Variants in SETX observed in about 807,000 individuals in gnomAD.
The protein encoded by SETX is helicase senataxin.
In SETX, 90 loss-of-function variants were observed where a neutral mutation model predicts 227.2. The ratio of observed to expected loss-of-function variants is 0.40; its 90% CI spans 0.33 to 0.47. The LOEUF (loss-of-function observed/expected upper bound fraction) is 0.47, where lower values mean the gene tolerates loss of function less well. Ranked by LOEUF, SETX falls within the 20% of genes least tolerant of loss-of-function variation. The probability of loss-of-function intolerance (pLI) is 0.91; values close to 1 mark genes in which losing one functional copy is unlikely to be tolerated. For missense variants in SETX, 3,052 were observed against 3,181.5 expected, an observed-to-expected ratio of 0.96 and a Z score of 0.98; for synonymous variants, 1,210 against 1,113.2, an observed-to-expected ratio of 1.09 and a Z score of -1.73.
intron 10 of SETX, among the ~76,000 whole-genome samples, chr9:132,316,154 A>C (rs1845955532): frequency 6.6e-6 from 1 of 152,192 alleles, no homozygotes; most frequent in South Asian, 2.1e-4. Flanking sequence ...GAGGCTACGC[A>C]GGAATAAGAC....
intron 18 of SETX, among the ~76,000 whole-genome samples, chr9:132,286,181 CAAAAAAA>C (rs58043008): frequency 1.3e-5 from 1 of 74,544 alleles, no homozygotes; most frequent in Non-Finnish European, 2.8e-5. Context: ...GACTTCACCT[CAAAAAAA>C]AAAAAAAAAA....
intron 4 of SETX, among the ~76,000 whole-genome samples, chr9:132,345,702 T>G (rs963251014): frequency 3.9e-5 from 6 of 152,248 alleles, no homozygotes; most frequent in Non-Finnish European, 7.3e-5. Flanking sequence ...TTTACTTTTC[T>G]ATGTTAAAAA....
rs1254864894 is a variant in SETX, at chr9:132,331,954, C to T, written c.839-506G>A. 3.9e-5 allele frequency among the ~76,000 whole-genome samples: 6 copies of T among 152,170 alleles called. No individual in the cohort carries two copies. The East Asian group carries it at 9.6e-4, about 24-fold the overall frequency. On this transcript the variant is annotated intron_variant, in intron 7 of 25. Coordinates refer to ENST00000224140, the MANE Select transcript of SETX (RefSeq NM_015046.7). The stretch of plus-strand genomic sequence containing the variant: ...CAGCATCATCCTGAATTTTGTGTCA[C>T]GCATCTAGTGTAAATGACTAAATTC...
intron 18 of SETX, among the ~76,000 whole-genome samples, chr9:132,283,989 A>G (rs781425536): frequency 4.3e-4 from 65 of 152,186 alleles, no homozygotes; most frequent in Non-Finnish European, 8.8e-4. Context: ...TCACAGTCAC[A>G]CCTACACTGC....
chr9:132,332,871 T>C (rs369695256), intron 7 of SETX, among the ~76,000 whole-genome samples: 1 of 144,468 alleles, frequency 6.9e-6, no homozygotes, highest in Non-Finnish European at 1.5e-5. Context: ...CAGTGAGACC[T>C]GATTGAGCCA....
chr9:132,265,901 C>T (rs1029152067), intron 25 of SETX, among the ~76,000 whole-genome samples: 2 of 152,178 alleles, frequency 1.3e-5, no homozygotes, highest in Non-Finnish European at 2.9e-5. Flanking sequence ...GCCTCCCAAA[C>T]CCCGAATGGC....
At chr9:132,346,595 G>A (rs562969518) in intron 3 of SETX, 124 bp from the exon 4 acceptor site, 5 of 712,802 alleles carry the variant, frequency 7.0e-6, no homozygotes, top group Non-Finnish European at 1.2e-5. Flanking sequence ...ATTAGAGCTT[G>A]TATTTTAGAT....
intron 17 of SETX, among the ~76,000 whole-genome samples, chr9:132,287,137 G>A (rs1232770440): frequency 6.6e-6 from 1 of 152,160 alleles, no homozygotes; most frequent in Non-Finnish European, 1.5e-5. Flanking sequence ...ACATGCAACT[G>A]AAAGGCAACT....
At chr9:132,289,012 G>A (rs1349508162) in intron 15 of SETX, among the ~76,000 whole-genome samples, 4 of 152,092 alleles carry the variant, frequency 2.6e-5, no homozygotes, top group African/African-American at 7.2e-5. Context: ...TAAAATAAAC[G>A]AAGCAGTTCT....
Position 132,334,704 on chromosome 9 carries a change from G to A in SETX, c.742C>T (p.Leu248Phe), listed in dbSNP as rs748358261. The change falls in exon 7 of 26, where the codon CTT (leucine) becomes TTT (phenylalanine). Residue 248 changes from leucine (L) to phenylalanine (F), a missense_variant. Leu to Phe is a conservative substitution (Grantham distance 22). Coordinates refer to ENST00000224140, the MANE Select transcript of SETX (RefSeq NM_015046.7). ...AGGGAATCCATGGCTTGTTCCTCAA[G>A]AATGGTCAGCAACATGCAAATACCT... The part of the protein sequence containing the change: ...WLGICMLLTI[L>F]EEQAMDSLLL... 3 of 1,614,060 alleles carry A rather than the reference G, an allele frequency of 1.9e-6. No homozygotes were observed. The highest frequency in any genetic ancestry group is 1.3e-5 in the African/African-American group (1 of 75,054).
intron 10 of SETX, among the ~76,000 whole-genome samples, chr9:132,318,483 G>A (rs545248236): frequency 1.2e-3 from 176 of 152,258 alleles, no homozygotes; most frequent in African/African-American, 4.1e-3. Flanking sequence ...CTACAGCCTA[G>A]CATCACCTAG....
intron 4 of SETX, among the ~76,000 whole-genome samples, chr9:132,345,572 C>A (rs1282808959): frequency 1.3e-5 from 2 of 151,826 alleles, no homozygotes; most frequent in African/African-American, 4.8e-5. Context: ...CCATGCCCGG[C>A]GAGAATGAAA....
intron 11 of SETX, 63 bp downstream of exon 11, chr9:132,311,694 C>T (rs990772027): frequency 2.5e-6 from 3 of 1,195,510 alleles, no homozygotes; most frequent in African/African-American, 1.5e-5. Flanking sequence ...ATGCTATCTC[C>T]TCTTAATTAG....
intron 6 of SETX, among the ~76,000 whole-genome samples, chr9:132,335,339 C>G (rs1010772918): frequency 3.0e-5 from 4 of 133,440 alleles, no homozygotes; most frequent in Non-Finnish European, 6.2e-5. Context: ...TGCAGTGAGC[C>G]GAGATCGCGC....
intron 4 of SETX, among the ~76,000 whole-genome samples, chr9:132,343,145 C>G (rs1848089421): frequency 6.6e-6 from 1 of 151,980 alleles, no homozygotes; most frequent in African/African-American, 2.4e-5. Context: ...CGGTGAAACC[C>G]CGTCTCTACT....
At position 132,298,284 on chromosome 9, in the gene SETX, A is replaced by C; in HGVS notation, c.5577T>G (p.Leu1859=). 1 of 1,614,158 alleles carries C rather than the reference A, an allele frequency of 6.2e-7. No homozygotes were observed. The highest frequency in any genetic ancestry group is 1.1e-5 in the South Asian group (1 of 91,082). ...VMRNGKTECY[L]SIQTQENFPA... is the part of the protein sequence containing the mutation. Reference sequence around the variant, plus strand: ...GAAAGTTCTCTTGAGTCTGGATGGAAAGGTAACACTCAGTTTTCCCATTAC... The same window carrying C: ...GAAAGTTCTCTTGAGTCTGGATGGACAGGTAACACTCAGTTTTCCCATTAC... Residue 1859 remains leucine (L), a synonymous_variant, in exon 13 of 26, where the codon CTT becomes CTG. Transcript: ENST00000224140.
chr9:132,304,492 A>G (rs576439891), intron 11 of SETX, among the ~76,000 whole-genome samples: 29 of 151,890 alleles, frequency 1.9e-4, no homozygotes, highest in African/African-American at 6.8e-4. Context: ...TAATAAATCC[A>G]TATGTAAAGA....
At chr9:132,271,223 T>C (rs1303033363) in intron 24 of SETX, among the ~76,000 whole-genome samples, 6 of 152,174 alleles carry the variant, frequency 3.9e-5, no homozygotes, top group Non-Finnish European at 8.8e-5. Flanking sequence ...TTTATTTGAA[T>C]CTTATTAAAT....
intron 5 of SETX, among the ~76,000 whole-genome samples, chr9:132,341,389 G>A (rs1175714877): frequency 1.3e-5 from 2 of 152,238 alleles, no homozygotes; most frequent in Non-Finnish European, 2.9e-5. Flanking sequence ...CTTTCCTCGT[G>A]TGTTTCAGGG....
Sources: allele counts gnomAD v4.1 joint callset (sites outside exome capture counted in the v4.1 genomes callset), GRCh38; gene constraint gnomAD v4.1.1; transcripts MANE v1.5; gene names NCBI Gene and HGNC (gene_info 2026-07-23, HGNC 2026-07-21).